Variants in RPRD1B observed in about 807,000 individuals in gnomAD.
RPRD1B encodes regulation of nuclear pre-mRNA domain-containing protein 1B.
A neutral mutation model predicts 41.5 loss-of-function variants in RPRD1B; 11 were observed. That is an observed-to-expected ratio of 0.27 (90% CI 0.17 to 0.44). The LOEUF (loss-of-function observed/expected upper bound fraction) is 0.44. Ranked by LOEUF, RPRD1B falls within the 20% of genes least tolerant of loss-of-function variation. The pLI, the probability that RPRD1B is intolerant of heterozygous loss-of-function variation, is 1.00. For synonymous variants in RPRD1B, 158 were observed against 155.6 expected (o/e 1.02, Z -0.12); for missense variants, 248 against 389.9 (o/e 0.64, Z 3.06).
chr20:38,053,655 T>C (rs1393682465), intron 3 of RPRD1B, among the ~76,000 whole-genome samples: 1 of 152,234 alleles, frequency 6.6e-6, no homozygotes, highest in Non-Finnish European at 1.5e-5. Context: ...AGGGACATGA[T>C]GGAGTGAGCA....
rs2074366811 is a variant in RPRD1B, at chr20:38,067,261, G to T, written c.831+1005G>T. 3.3e-5 allele frequency among the ~76,000 whole-genome samples: 5 copies of T among 152,214 alleles called. No homozygotes were observed. The South Asian group carries it at 1.0e-3, about 32-fold the overall frequency. On this transcript the variant is annotated intron_variant, in intron 6 of 6. Transcript: ENST00000373433. ...AGTGTGGATTTTTGGGAACTTTGCT[G>T]CCCCGGGCTGCTGCACTTCCTTTTC... is the stretch of plus-strand genomic sequence containing the variant.
At chr20:38,075,312 A>C (rs569546010) in intron 6 of RPRD1B, among the ~76,000 whole-genome samples, 1 of 152,332 alleles carries the variant, frequency 6.6e-6, no homozygotes, top group African/African-American at 2.4e-5. Context: ...GTTAAGGATT[A>C]GTCTTTTGTT....
Position 38,091,612 on chromosome 20 carries a change from C to G in RPRD1B, c.*1737C>G. On this transcript the variant is annotated 3_prime_UTR_variant, in exon 7 of 7. Coordinates refer to ENST00000373433, the MANE Select transcript of RPRD1B (RefSeq NM_021215.4). ...GCAAGATAAATTGTAATCTTTGCTGCTGCTGCACTCCCCAACCTCTCCCCC... is the reference window on the plus strand; with the variant it reads ...GCAAGATAAATTGTAATCTTTGCTGGTGCTGCACTCCCCAACCTCTCCCCC... 2 of 985,618 alleles carry G rather than the reference C, an allele frequency of 2.0e-6. No individual in the cohort carries two copies. Among genetic ancestry groups the G allele is most frequent in the Non-Finnish European group, 2.4e-6 (2 of 830,102 alleles). 61.1% of individuals were successfully genotyped at this position (985,618 alleles called of 1,614,324 possible).
chr20:38,037,305 T>C (rs2063938336), intron 1 of RPRD1B, among the ~76,000 whole-genome samples: 1 of 152,214 alleles, frequency 6.6e-6, no homozygotes, highest in Non-Finnish European at 1.5e-5. Context: ...TGCTCCTAAA[T>C]GAATGTTTTT....
At chr20:38,088,128 T>G (rs913135397) in intron 6 of RPRD1B, among the ~76,000 whole-genome samples, 1 of 152,210 alleles carries the variant, frequency 6.6e-6, no homozygotes, top group South Asian at 2.1e-4. Flanking sequence ...GGAGCTCTCA[T>G]TGCGGGTGGG....
chr20:38,034,705 G>C (rs1484543224), intron 1 of RPRD1B, among the ~76,000 whole-genome samples: 1 of 152,120 alleles, frequency 6.6e-6, no homozygotes, highest in Non-Finnish European at 1.5e-5. Flanking sequence ...CTTAGGTTAA[G>C]GGGCCACCCA....
chr20:38,090,262 C>T lies in RPRD1B; in HGVS notation c.*387C>T, dbSNP rs1034724174. 1.0e-6 allele frequency: 1 copy of T among 990,818 alleles called. No homozygotes were observed. The highest frequency in any genetic ancestry group is 1.2e-6 in the Non-Finnish European group (1 of 833,116). The allele number at this position is 990,818 out of a possible 1,614,324, so 61.4% of individuals were successfully genotyped here. A position where few individuals can be genotyped will look rare whatever the true frequency, so the allele number is the denominator to read the frequency against. ...GCATTTTATCATGAAAGCAGCTTCT[C>T]CTTTCTGGGCTGGGCTTGTTCAAGT... On this transcript the variant is annotated 3_prime_UTR_variant, in exon 7 of 7. Coordinates refer to ENST00000373433, the MANE Select transcript of RPRD1B (RefSeq NM_021215.4).
At chr20:38,081,182 T>G (rs999718997) in intron 6 of RPRD1B, among the ~76,000 whole-genome samples, 1 of 107,498 alleles carries the variant, frequency 9.3e-6, no homozygotes, top group Non-Finnish European at 1.8e-5. Context: ...ACAATATTGA[T>G]TTTTCCTATC....
At chr20:38,046,610 C>CA in intron 2 of RPRD1B, among the ~76,000 whole-genome samples, 1 of 152,274 alleles carries the variant, frequency 6.6e-6, no homozygotes, top group East Asian at 1.9e-4. Flanking sequence ...GGGAATGACA[C>CA]ACTGAAGGTG....
rs188482552 is a variant in RPRD1B at position 38,033,894 on chromosome 20, C to A, written c.-54C>A. 1.7e-5 allele frequency: 26 copies of A among 1,519,920 alleles called. No homozygotes were observed. In the East Asian group the frequency reaches 3.5e-4, roughly 21 times the overall value. The allele number at this position is 1,519,920 out of a possible 1,614,324, so 94.2% of individuals were successfully genotyped here. A position where few individuals can be genotyped will look rare whatever the true frequency, so the allele number is the denominator to read the frequency against. On this transcript the variant is annotated 5_prime_UTR_variant, in exon 1 of 7. Coordinates refer to ENST00000373433, the MANE Select transcript of RPRD1B (RefSeq NM_021215.4). ...GCCCCGGCCTCGTGCCGTCGCTCTT[C>A]CCGCCGCACTGGGCGGCCCAGGCCG...
chr20:38,048,542 A>G, intron 3 of RPRD1B, 61 bp downstream of exon 3: 8 of 1,548,772 alleles, frequency 5.2e-6, no homozygotes, highest in Non-Finnish European at 7.0e-6. Context: ...ATCAAATATG[A>G]AAAGCTGCAG....
intron 6 of RPRD1B, among the ~76,000 whole-genome samples, chr20:38,080,917 C>T (rs538459178): frequency 1.5e-3 from 224 of 152,244 alleles, no homozygotes; most frequent in African/African-American, 5.2e-3. Flanking sequence ...GTTACTGTAG[C>T]CTTATAGTAT....
Position 38,056,398 on chromosome 20 carries a change from A to AT in RPRD1B, c.416-1134_416-1133insT, listed in dbSNP as rs202144561. On this transcript the variant is annotated intron_variant, in intron 3 of 6. Transcript: ENST00000373433. Reference sequence around the variant, plus strand: ...AGAGCAAAAACTCCATCTAAAAAAAAAAAATAAAAATAAAACTCATGATAT... The same window carrying AT: ...AGAGCAAAAACTCCATCTAAAAAAAATAAAATAAAAATAAAACTCATGATAT... Among the ~76,000 whole-genome samples, 1,078 of 152,312 alleles carry AT rather than the reference A, an allele frequency of 7.1e-3. 4 individuals are homozygous for AT. The highest frequency in any genetic ancestry group is 0.021 in the African/African-American group (862 of 41,556).
chr20:38,084,731 A>G (rs1304179408), intron 6 of RPRD1B, among the ~76,000 whole-genome samples: 3 of 152,154 alleles, frequency 2.0e-5, no homozygotes, highest in Non-Finnish European at 4.4e-5. Flanking sequence ...TTATAGACAC[A>G]TTTTCTCCTG....
chr20:38,085,944 A>G (rs977991620), intron 6 of RPRD1B, among the ~76,000 whole-genome samples: 9 of 151,402 alleles, frequency 5.9e-5, no homozygotes, highest in East Asian at 3.9e-4. Context: ...GGCTCAAGCA[A>G]TCTTCCCACC....
chr20:38,048,277 T>A, intron 2 of RPRD1B, 71 bp from the exon 3 acceptor site: 2 of 1,397,996 alleles, frequency 1.4e-6, no homozygotes, highest in Admixed American at 2.3e-5. Context: ...CTTTTTTTTT[T>A]AAGTAGGTCT....
intron 5 of RPRD1B, among the ~76,000 whole-genome samples, chr20:38,062,061 G>A (rs1301212320): frequency 1.3e-5 from 2 of 152,218 alleles, no homozygotes; most frequent in Non-Finnish European, 1.5e-5. Flanking sequence ...AGGTATTACC[G>A]TGGAAGCAGA....
intron 6 of RPRD1B, among the ~76,000 whole-genome samples, chr20:38,087,582 T>A (rs989331128): frequency 1.3e-5 from 2 of 152,188 alleles, no homozygotes; most frequent in Admixed American, 6.5e-5. Context: ...GTTCTGTAGT[T>A]GTTTTGTTAT....
intron 3 of RPRD1B, among the ~76,000 whole-genome samples, chr20:38,050,264 G>A (rs1466590586): frequency 1.3e-5 from 2 of 152,198 alleles, no homozygotes; most frequent in Non-Finnish European, 2.9e-5. Flanking sequence ...AAAGGTTAGA[G>A]GCTTTCTGTG....
Sources: gnomAD v4.1 joint callset for allele counts (sites outside exome capture counted in the v4.1 genomes callset) on GRCh38, gnomAD v4.1.1 for gene constraint, MANE v1.5 for transcripts, NCBI Gene and HGNC (gene_info 2026-07-23, HGNC 2026-07-21) for gene names.